LMF1: variants seen among roughly 807,000 people sequenced by gnomAD.
The protein encoded by LMF1 is lipase maturation factor 1, also known as transmembrane protein 112.
A neutral mutation model predicts 60.6 loss-of-function variants in LMF1; 68 were observed. The observed-to-expected ratio is 1.12, with a 90% confidence interval of 0.92 to 1.37. The LOEUF (loss-of-function observed/expected upper bound fraction) is 1.37. Ranked by LOEUF, LMF1 falls within the 40% of genes most tolerant of loss-of-function variation. The pLI is 0.00. For synonymous variants in LMF1, 418 were observed against 324.7 expected (o/e 1.29, Z -3.09); for missense variants, 948 against 767.2 (o/e 1.24, Z -2.78).
chr16:919,336 C>T (rs2071366385), intron 3 of LMF1, among the ~76,000 whole-genome samples: 1 of 148,474 alleles, frequency 6.7e-6, no homozygotes, highest in African/African-American at 2.4e-5. Flanking sequence ...AATCACCCCA[C>T]ATGCCCGCGG....
intron 3 of LMF1, among the ~76,000 whole-genome samples, chr16:926,056 G>A (rs770671030): frequency 4.6e-5 from 7 of 152,092 alleles, no homozygotes; most frequent in African/African-American, 9.7e-5. Context: ...GTGTGCACAC[G>A]TTTGCATATA....
chr16:873,788 C>T (rs1282376717), intron 6 of LMF1: 1 of 152,340 alleles, frequency 6.6e-6, no homozygotes, highest in Non-Finnish European at 1.5e-5. Context: ...AGAGAATCTG[C>T]TGAGGTCTAA....
At chr16:931,544 C>T in intron 3 of LMF1, 1 of 1,060,792 alleles carries the variant, frequency 9.4e-7, no homozygotes, top group Non-Finnish European at 1.2e-6. Context: ...CGAACGAGGC[C>T]ACAGGAAAGG....
rs35663121 is a variant in LMF1, at chr16:954,369, A to G, written c.491T>C (p.Val164Ala). ...LWGLYMSLVN[V>A]GHVWYSFGWE... Reference sequence around the variant, plus strand: ...TCCTGCTACTCACCAGACATGGCCCACATTAACCAGGGACATGTAGAGGCC... The same window carrying G: ...TCCTGCTACTCACCAGACATGGCCCGCATTAACCAGGGACATGTAGAGGCC... Residue 164 changes from valine (V) to alanine (A), a missense_variant, in exon 2 of 11, where the codon GTG (valine) becomes GCG (alanine). Transcript: ENST00000262301. 4.0e-3 allele frequency: 6,460 copies of G among 1,612,146 alleles called. 230 individuals carry two copies. The African/African-American group carries it at 0.077, about 19-fold the overall frequency.
intron 5 of LMF1, among the ~76,000 whole-genome samples, chr16:881,677 G>A (rs1228419059): frequency 1.3e-5 from 2 of 152,204 alleles, no homozygotes; most frequent in African/African-American, 2.4e-5. Flanking sequence ...AGCCAGAGAA[G>A]AACCGGAATG....
intron 1 of LMF1, chr16:979,096 T>C (rs1257150310): frequency 2.2e-6 from 1 of 453,928 alleles, no homozygotes; most frequent in African/African-American, 2.0e-5. Flanking sequence ...GGCTCCATCC[T>C]GTGTGGGAAA....
At chr16:942,622 C>T (rs1457098019) in intron 2 of LMF1, among the ~76,000 whole-genome samples, 1 of 140,116 alleles carries the variant, frequency 7.1e-6, no homozygotes, top group Non-Finnish European at 1.6e-5. Flanking sequence ...TGCGTCCTCT[C>T]TCTGTGGGGC....
Position 966,185 on chromosome 16 carries a change from C to T in LMF1, c.193+4603G>A, listed in dbSNP as rs561226042. Among the ~76,000 whole-genome samples, 1,146 of 152,294 alleles carry T rather than the reference C, an allele frequency of 7.5e-3. 7 individuals carry two copies. Among genetic ancestry groups the T allele is most frequent in the Non-Finnish European group, 0.012 (824 of 68,004 alleles). On this transcript the variant is annotated intron_variant, in intron 1 of 10. Transcript: ENST00000262301. Reference sequence around the variant, plus strand: ...ACCACGGTCAGGAAGAGATGCCTCACGTGGCGGGGACACAGCGGGAGCAGT... The same window carrying T: ...ACCACGGTCAGGAAGAGATGCCTCATGTGGCGGGGACACAGCGGGAGCAGT...
rs1175515696 is a variant in LMF1, at chr16:910,861, T to C, written c.663+70A>G. On this transcript the variant is annotated intron_variant, in intron 4 of 10. Transcript: ENST00000262301. Reference sequence around the variant, plus strand: ...GGGAGGAAGGAAACAGCCTCACCTCTCCTAGAAGCCTCACAGGTTAGAAGA... The same window carrying C: ...GGGAGGAAGGAAACAGCCTCACCTCCCCTAGAAGCCTCACAGGTTAGAAGA... 3.8e-6 allele frequency: 6 copies of C among 1,590,630 alleles called. No individual in the cohort carries two copies. The Middle Eastern group carries it at 6.6e-4, about 174-fold the overall frequency.
At chr16:863,964 C>G (rs138707289) in intron 10 of LMF1, among the ~76,000 whole-genome samples, 1 of 152,298 alleles carries the variant, frequency 6.6e-6, no homozygotes, top group African/African-American at 2.4e-5. Flanking sequence ...CATCATTAGG[C>G]CCTGCCTGTC....
At chr16:869,251 C>G (rs1288581750) in intron 9 of LMF1, 195 bp from the exon 10 acceptor site, 30 of 666,328 alleles carry the variant, frequency 4.5e-5, no homozygotes, top group Non-Finnish European at 7.6e-5. Context: ...ACCACTCATT[C>G]CCATGTCGGC....
In LMF1 at chr16:965,114, G is replaced by A. The variant is rs576769273; in HGVS notation, c.193+5674C>T. 5.9e-5 allele frequency among the ~76,000 whole-genome samples: 9 copies of A among 152,348 alleles called. No homozygotes were observed. In the South Asian group the frequency reaches 1.9e-3, roughly 32 times the overall value. ...AGCCCCTCCGTTCCCGCCAGCGTTG[G>A]GCATTCCTTCTGCAGTCCAGGCTGT... On this transcript the variant is annotated intron_variant, in intron 1 of 10. Coordinates refer to ENST00000262301, the MANE Select transcript of LMF1 (RefSeq NM_022773.4).
intron 2 of LMF1, among the ~76,000 whole-genome samples, chr16:950,777 A>G (rs1276382174): frequency 8.6e-6 from 1 of 116,320 alleles, no homozygotes; most frequent in Non-Finnish European, 1.7e-5. Context: ...GTCAGAGCCA[A>G]CGACAGAGTC....
At chr16:952,648 T>G (rs9933730) in intron 2 of LMF1, 50,968 of 152,872 alleles carry the variant, frequency 0.33, 10,634 homozygotes, top group African/African-American at 0.59. Context: ...GCCTCCTGTC[T>G]CCCGTCCACG....
chr16:893,215 G>A (rs943176865), intron 4 of LMF1, 143 bp from the exon 5 acceptor site: 15 of 732,340 alleles, frequency 2.0e-5, no homozygotes, highest in South Asian at 5.9e-5. Context: ...GGGACCTTAC[G>A]TATGAAACAC....
chr16:877,515 C>T (rs1198399731), intron 6 of LMF1, among the ~76,000 whole-genome samples: 1 of 152,184 alleles, frequency 6.6e-6, no homozygotes, highest in Non-Finnish European at 1.5e-5. Context: ...GCATCCACAG[C>T]ATTAATGTAA....
chr16:881,534 C>G (rs2070163119), intron 5 of LMF1: 1 of 152,292 alleles, frequency 6.6e-6, no homozygotes, highest in African/African-American at 2.4e-5. Context: ...ATAAGAAAAA[C>G]ATGAGGAAAG....
At chr16:879,057 G>A (rs1230417016) in intron 6 of LMF1, among the ~76,000 whole-genome samples, 4 of 152,112 alleles carry the variant, frequency 2.6e-5, no homozygotes, top group African/African-American at 7.2e-5. Context: ...CAGGGATGGC[G>A]GTGACTGTGG....
At chr16:885,867 T>C (rs2070292436) in intron 5 of LMF1, among the ~76,000 whole-genome samples, 1 of 152,196 alleles carries the variant, frequency 6.6e-6, no homozygotes, top group South Asian at 2.1e-4. Flanking sequence ...TATTGGCCAA[T>C]TTGATCTAAT....
Sources: gnomAD v4.1 joint callset for allele counts (sites outside exome capture counted in the v4.1 genomes callset) on GRCh38, gnomAD v4.1.1 for gene constraint, MANE v1.5 for transcripts, NCBI Gene and HGNC (gene_info 2026-07-23, HGNC 2026-07-21) for gene names.